CASP8: variants seen among roughly 807,000 people sequenced by gnomAD.
The protein encoded by CASP8 is caspase 8, also known as caspase-8.
In CASP8, 24 loss-of-function variants were observed where a neutral mutation model predicts 46.3. The observed-to-expected ratio is 0.52, with a 90% CI of 0.38 to 0.73. CASP8 has a LOEUF of 0.73. Ranked by LOEUF, CASP8 falls within the 30% of genes least tolerant of loss-of-function variation. The pLI is 0.00. For synonymous variants in CASP8, 188 were observed against 200.4 expected, an observed-to-expected ratio of 0.94 and a Z score of 0.52; for missense variants, 460 against 559.0, an observed-to-expected ratio of 0.82 and a Z score of 1.79.
At chr2:201,234,970 A>G (rs1262100862) in intron 2 of CASP8, among the ~76,000 whole-genome samples, 2 of 152,198 alleles carry the variant, frequency 1.3e-5, no homozygotes, top group Non-Finnish European at 2.9e-5. Context: ...AGGAGTCACT[A>G]TTACAGTGAC....
At chr2:201,249,757 A>G (rs1048155493) in intron 2 of CASP8, among the ~76,000 whole-genome samples, 5 of 152,142 alleles carry the variant, frequency 3.3e-5, no homozygotes, top group Admixed American at 6.6e-5. Context: ...CAGAAAGTAG[A>G]GAGTTCCCAT....
chr2:201,272,016 T>C lies in CASP8; in HGVS notation c.411+395T>C, dbSNP rs559014832. 5.3e-5 allele frequency among the ~76,000 whole-genome samples: 8 copies of C among 152,122 alleles called. No homozygotes were observed. The South Asian group carries it at 1.2e-3, about 24-fold the overall frequency. ...TTCCGTGTCTGTGTGTGCCTTTCTC[T>C]GTGTATAGTGTGTGTCTGTATTTGT... On this transcript the variant is annotated intron_variant, in intron 3 of 8. Transcript: ENST00000673742. The surrounding 1 kb of genome is among the most constrained non-coding windows in gnomAD (Gnocchi z 4.4).
upstream of CASP8, among the ~76,000 whole-genome samples, chr2:201,257,481 C>CAAAA (rs375598463): frequency 4.7e-4 from 58 of 122,252 alleles, 1 homozygote; most frequent in African/African-American, 1.7e-3. Context: ...GACTCCGTCT[C>CAAAA]AAAAAAAAAA....
At chr2:201,245,084 C>T (rs1287703815) in intron 2 of CASP8, among the ~76,000 whole-genome samples, 1 of 152,162 alleles carries the variant, frequency 6.6e-6, no homozygotes, top group Non-Finnish European at 1.5e-5. Flanking sequence ...GAGCATAGGG[C>T]GTCCATCATA....
chr2:201,285,692 T>C (rs531456068), intron 8 of CASP8, among the ~76,000 whole-genome samples: 8 of 152,306 alleles, frequency 5.3e-5, no homozygotes, highest in African/African-American at 1.9e-4. Context: ...GGCCAAAACA[T>C]GACTGAGCCA....
chr2:201,269,297 G>A (rs1192921143), intron 2 of CASP8, among the ~76,000 whole-genome samples: 6 of 152,078 alleles, frequency 3.9e-5, no homozygotes, highest in African/African-American at 7.2e-5. Context: ...ACATAAGGTC[G>A]CATTCTCATA....
At position 201,285,069 on chromosome 2, in the gene CASP8, C is replaced by G; in HGVS notation, c.1056C>G (p.Pro352=). The G allele has an allele frequency of 6.2e-7, 1 of 1,614,130 alleles. No individual in the cohort carries two copies. The change falls in exon 8 of 9, where the codon CCC becomes CCG. Residue 352 remains proline, a synonymous_variant. Coordinates refer to ENST00000673742, the MANE Select transcript of CASP8 (RefSeq NM_001372051.1). The part of the protein sequence containing the change: ...GLKCPSLAGK[P]KVFFIQACQG... ...AGTGCCCTTCCCTTGCTGGAAAACC[C>G]AAAGTGTTTTTTATTCAGGCTTGTC...
At chr2:201,273,031 C>A in intron 5 of CASP8, 89 bp downstream of exon 5, 99 of 955,778 alleles carry the variant, frequency 1.0e-4, no homozygotes, top group Non-Finnish European at 1.6e-4. Context: ...ACCACATGCA[C>A]ATCTTAACGT....
At chr2:201,255,403 T>G (rs565240626) in intron 2 of CASP8, among the ~76,000 whole-genome samples, 2 of 152,258 alleles carry the variant, frequency 1.3e-5, no homozygotes, top group Admixed American at 1.3e-4. Context: ...GTCATATATA[T>G]ATACACACAC....
chr2:201,281,625 CATAA>C (rs1454803006), intron 7 of CASP8, among the ~76,000 whole-genome samples: 1 of 127,094 alleles, frequency 7.9e-6, no homozygotes, highest in East Asian at 2.2e-4. Context: ...TTTTGCTATA[CATAA>C]ATAATTTTGA....
upstream of CASP8, among the ~76,000 whole-genome samples, chr2:201,259,704 G>A (rs1947248711): frequency 6.6e-6 from 1 of 152,032 alleles, no homozygotes; most frequent in Non-Finnish European, 1.5e-5. Flanking sequence ...GCAATATTTT[G>A]TTTACTGGTA....
At position 201,287,405 on chromosome 2, in the gene CASP8, ATTT is replaced by A. The variant is rs34552705; in HGVS notation, c.*819_*821del. 3.3e-5 allele frequency: 5 copies of A among 152,524 alleles called. No homozygotes were observed. The highest frequency in any genetic ancestry group is 1.2e-4 in the African/African-American group (5 of 41,100). The allele number at this position is 152,524 out of a possible 1,614,324, so 9.4% of individuals were successfully genotyped here. Reference sequence around the variant, plus strand: ...AGAACAAGACCCCGTCTCAAAAAAAATTTTTTTTTTAATAAAACAAAATTTGTT... The same window carrying A: ...AGAACAAGACCCCGTCTCAAAAAAAATTTTTTTAATAAAACAAAATTTGTT... On this transcript the variant is annotated 3_prime_UTR_variant, in exon 9 of 9. Transcript: ENST00000673742.
intron 2 of CASP8, among the ~76,000 whole-genome samples, chr2:201,252,598 G>C (rs1946835180): frequency 6.6e-6 from 1 of 152,164 alleles, no homozygotes; most frequent in Admixed American, 6.5e-5. Context: ...CTCCCAATCT[G>C]TGGTTTGTCT....
chr2:201,260,513 G>T, upstream of CASP8: 1 of 985,048 alleles, frequency 1.0e-6, no homozygotes, highest in Non-Finnish European at 1.2e-6. Flanking sequence ...GAGCTGGCTG[G>T]CTGTGCCCTT....
At chr2:201,258,110 G>A (rs1179390475), upstream of CASP8, 19 of 1,117,562 alleles carry the variant, frequency 1.7e-5, no homozygotes, top group Middle Eastern at 4.1e-4. Flanking sequence ...TCTTTCTCTC[G>A]GAGACCAGAT....
Position 201,274,891 on chromosome 2 carries a change from G to A in CASP8, c.598G>A (p.Glu200Lys). The change falls in exon 6 of 9, where the codon GAG becomes AAG. Residue 200 changes from glutamate (E) to lysine (K), a missense_variant and splice_region_variant. Glu to Lys is a moderately conservative substitution (Grantham distance 56, BLOSUM62 1). Coordinates refer to ENST00000673742, the MANE Select transcript of CASP8 (RefSeq NM_001372051.1). ...ATGTGTCTCTTCGTTGTTTGCAGGG[G>A]AGGAGTTGTGTGGGGTAATGACAAT... ...EGSPDEFSNG[E>K]ELCGVMTISD... 6.2e-7 allele frequency: 1 copy of A among 1,612,290 alleles called. No homozygotes were observed. The highest frequency in any genetic ancestry group is 8.5e-7 in the Non-Finnish European group (1 of 1,178,374).
In CASP8 at chr2:201,266,889, C is replaced by T; in HGVS notation, c.305+98C>T. On this transcript the variant is annotated intron_variant, in intron 2 of 8. Coordinates refer to ENST00000673742, the MANE Select transcript of CASP8 (RefSeq NM_001372051.1). This position sits in a 1 kb window ranked among gnomAD's most constrained non-coding sequence, Gnocchi z 5.7. ...TTTTTTGTGGTACCCTGCCTAGTGC[C>T]TGGGAACCCAGCAGTGCCACAATTC... 1.2e-6 allele frequency: 1 copy of T among 817,366 alleles called. No homozygotes were observed. The highest frequency in any genetic ancestry group is 1.9e-6 in the Non-Finnish European group (1 of 523,410). The allele number at this position is 817,366 out of a possible 1,614,324, so 50.6% of individuals were successfully genotyped here.
At chr2:201,243,495 C>T (rs745496210) in intron 2 of CASP8, among the ~76,000 whole-genome samples, 15 of 152,132 alleles carry the variant, frequency 9.9e-5, no homozygotes, top group South Asian at 2.1e-4. Flanking sequence ...CAGAAAAATC[C>T]TATAATCATC....
At chr2:201,269,320 A>C (rs1948067554) in intron 2 of CASP8, among the ~76,000 whole-genome samples, 1 of 152,110 alleles carries the variant, frequency 6.6e-6, no homozygotes, top group African/African-American at 2.4e-5. Context: ...CCAGATAGAC[A>C]TGAATTTTGG....
Sources: allele counts gnomAD v4.1 joint callset (sites outside exome capture counted in the v4.1 genomes callset), GRCh38; gene constraint gnomAD v4.1.1; non-coding constraint Gnocchi (gnomAD v3.1); transcripts MANE v1.5; gene names NCBI Gene and HGNC (gene_info 2026-07-23, HGNC 2026-07-21).